ZDHHC20: variants seen among roughly 807,000 people sequenced by gnomAD.
ZDHHC20 encodes the protein palmitoyltransferase ZDHHC20.
A neutral mutation model predicts 57.8 loss-of-function variants in ZDHHC20; 43 were observed. That is an observed-to-expected ratio of 0.74 (90% CI 0.58 to 0.96). The LOEUF (loss-of-function observed/expected upper bound fraction) is 0.96. ZDHHC20 is among the 40% of genes least tolerant of loss of function. The pLI is 0.00. For missense variants in ZDHHC20, 391 were observed against 441.1 expected (o/e 0.89, Z 1.02); for synonymous variants, 157 against 153.0 (o/e 1.03, Z -0.19).
chr13:21,397,401 C>A (rs1318445356), intron 7 of ZDHHC20, among the ~76,000 whole-genome samples: 1 of 150,850 alleles, frequency 6.6e-6, no homozygotes, highest in Non-Finnish European at 1.5e-5. Flanking sequence ...GTGGCTCGCA[C>A]CTGTAATCCC....
chr13:21,433,119 ATACT>A (rs917299912), intron 1 of ZDHHC20, among the ~76,000 whole-genome samples: 7 of 152,088 alleles, frequency 4.6e-5, no homozygotes, highest in African/African-American at 1.4e-4. Flanking sequence ...TTCCATATAA[ATACT>A]TACTTATTTT....
chr13:21,419,389 T>A (rs1189039463), intron 3 of ZDHHC20, among the ~76,000 whole-genome samples: 2 of 152,230 alleles, frequency 1.3e-5, no homozygotes, highest in African/African-American at 4.8e-5. Flanking sequence ...ATATATATTA[T>A]CCAAGAGACA....
chr13:21,387,542 C>T lies in ZDHHC20; in HGVS notation c.820G>A (p.Glu274Lys). ...SKNWRQVFGD[E>K]KKYWLLPIFS... Reference sequence around the variant, plus strand: ...ATTGGAAGTAGCCAATATTTCTTTTCATCACCAAAGACTTGTCTCCAATTT... The same window carrying T: ...ATTGGAAGTAGCCAATATTTCTTTTTATCACCAAAGACTTGTCTCCAATTT... Residue 274 changes from glutamate to lysine, a missense_variant, in exon 9 of 13, where the codon GAA (glutamate) becomes AAA (lysine). Glu to Lys is a moderately conservative substitution (Grantham distance 56). Coordinates refer to ENST00000400590, the MANE Select transcript of ZDHHC20 (RefSeq NM_001330059.2). 3 of 1,535,966 alleles carry T rather than the reference C, an allele frequency of 2.0e-6. No individual in the cohort carries two copies. Among genetic ancestry groups the T allele is most frequent in the Non-Finnish European group, 2.6e-6 (3 of 1,139,028 alleles).
intron 7 of ZDHHC20, among the ~76,000 whole-genome samples, chr13:21,397,211 A>G (rs919846133): frequency 1.3e-5 from 2 of 152,070 alleles, no homozygotes; most frequent in Admixed American, 6.6e-5. Context: ...CCTGGCCAAC[A>G]TGGTAAAACC....
chr13:21,432,789 T>C (rs562690368), intron 1 of ZDHHC20, among the ~76,000 whole-genome samples: 7 of 152,220 alleles, frequency 4.6e-5, no homozygotes, highest in South Asian at 2.1e-4. Flanking sequence ...TTTTAAAAAG[T>C]TGATACTTTG....
chr13:21,434,516 T>C (rs187218698), intron 1 of ZDHHC20, among the ~76,000 whole-genome samples: 5 of 152,390 alleles, frequency 3.3e-5, no homozygotes, highest in African/African-American at 9.6e-5. Context: ...TTAATGTTCA[T>C]ATTAGAGTTT....
Position 21,409,499 on chromosome 13 carries a change from T to G in ZDHHC20, c.370+4153A>C, listed in dbSNP as rs1476602507. On this transcript the variant is annotated intron_variant, in intron 4 of 12. Transcript: ENST00000400590. ...ATTGTGTCTATTTGATTCTTCTCTC[T>G]TTTATTCTTTATTAGTCTGGCTAGT... Among the ~76,000 whole-genome samples, 6 of 152,232 alleles carry G rather than the reference T, an allele frequency of 3.9e-5. No individual in the cohort carries two copies. In the East Asian group the frequency reaches 1.2e-3, roughly 29 times the overall value.
intron 4 of ZDHHC20, among the ~76,000 whole-genome samples, chr13:21,404,548 T>A (rs1878173855): frequency 6.6e-6 from 1 of 151,908 alleles, no homozygotes; most frequent in Non-Finnish European, 1.5e-5. Context: ...GTCAGGAGAT[T>A]AAGACCATCC....
In ZDHHC20 at chr13:21,459,060, A is replaced by C; in HGVS notation, c.112T>G (p.Cys38Gly). The part of the protein sequence containing the change: ...WSYYAYVVEL[C>G]VFTIFGNEEN... ...CCCCGGGGACGGTACTCACACACGCAGAGCTCCACCACGTACGCGTAGTAG... is the reference window on the plus strand; with the variant it reads ...CCCCGGGGACGGTACTCACACACGCCGAGCTCCACCACGTACGCGTAGTAG... The change falls in exon 1 of 13, where the codon TGC becomes GGC. Residue 38 changes from cysteine to glycine, a missense_variant. Cys to Gly is a radical substitution (Grantham distance 159). This residue lies in a region of ZDHHC20 where 185 missense variants were observed against 188.0 expected (regional missense o/e 0.98). Transcript: ENST00000400590. The C allele has an allele frequency of 6.3e-7, 1 of 1,596,846 alleles. No homozygotes were observed. Among genetic ancestry groups the C allele is most frequent in the Non-Finnish European group, 8.5e-7 (1 of 1,172,910 alleles).
At chr13:21,402,966 G>A (rs548065010) in intron 4 of ZDHHC20, 100 bp from the exon 5 acceptor site, 403 of 832,226 alleles carry the variant, frequency 4.8e-4, no homozygotes, top group Middle Eastern at 1.8e-3. Flanking sequence ...CTGGGTAATT[G>A]ATAACTAATA....
At chr13:21,395,243 T>A (rs1384574589) in intron 7 of ZDHHC20, among the ~76,000 whole-genome samples, 1 of 151,784 alleles carries the variant, frequency 6.6e-6, no homozygotes, top group Non-Finnish European at 1.5e-5. Context: ...ATTCTTTGTA[T>A]TTTTAGTAGA....
chr13:21,428,545 T>C (rs577738603), intron 1 of ZDHHC20, among the ~76,000 whole-genome samples: 57 of 151,960 alleles, frequency 3.8e-4, no homozygotes, highest in African/African-American at 1.3e-3. Flanking sequence ...AAAAATTCTT[T>C]TGATGACAAA....
At position 21,402,831 on chromosome 13, in the gene ZDHHC20, G is replaced by T. The variant is rs761623205; in HGVS notation, c.406C>A (p.Pro136Thr). 26 of 1,598,572 alleles carry T rather than the reference G, an allele frequency of 1.6e-5. No homozygotes were observed. Among genetic ancestry groups the T allele is most frequent in the Non-Finnish European group, 2.1e-5 (25 of 1,172,270 alleles). Reference protein sequence around the residue: ...RYCEKCQLIKPDRAHHCSACD... With the variant: ...RYCEKCQLIKTDRAHHCSACD... ...GCTGAGCAGTGATGCGCCCGATCAG[G>T]TTTAATCAGCTGACATTTTTCACAA... Residue 136 changes from proline to threonine, a missense_variant, in exon 5 of 13, where the codon CCT becomes ACT. Physicochemically the swap from Pro to Thr is conservative, Grantham distance 38. Around this residue, in one of 3 missense-constraint regions of ZDHHC20, gnomAD observed 185 missense variants for 188.0 expected, o/e 0.98. Transcript: ENST00000400590.
intron 1 of ZDHHC20, among the ~76,000 whole-genome samples, chr13:21,458,428 G>A (rs1885096520): frequency 6.6e-6 from 1 of 152,162 alleles, no homozygotes; most frequent in Non-Finnish European, 1.5e-5. Context: ...TTAACCTTCT[G>A]CAAAAGCCGG....
chr13:21,449,475 G>C (rs9316380), intron 1 of ZDHHC20, among the ~76,000 whole-genome samples: 89,972 of 151,752 alleles, frequency 0.59, 27,504 homozygotes, highest in Non-Finnish European at 0.68. Flanking sequence ...ACATGATGAC[G>C]GGAATGTCCC....
At position 21,378,737 on chromosome 13, in the gene ZDHHC20, C is replaced by T; in HGVS notation, c.1062G>A (p.Gly354=). 2 of 1,437,118 alleles carry T rather than the reference C, an allele frequency of 1.4e-6. No individual in the cohort carries two copies. The highest frequency in any genetic ancestry group is 1.6e-5 in the South Asian group (1 of 62,032). 89.0% of individuals were successfully genotyped at this position (1,437,118 alleles called of 1,614,324 possible). A position where few individuals can be genotyped will look rare whatever the true frequency, so the allele number is the denominator to read the frequency against. The change falls in exon 12 of 13, where the codon GGG becomes GGA. Residue 354 remains glycine, a splice_region_variant and synonymous_variant. Coordinates refer to ENST00000400590, the MANE Select transcript of ZDHHC20 (RefSeq NM_001330059.2). Reference sequence around the variant, plus strand: ...TTGCCACTGTTACATGGTTATTTGTCCCTGTAAGCATATAATTATATATGA... The same window carrying T: ...TTGCCACTGTTACATGGTTATTTGTTCCTGTAAGCATATAATTATATATGA... ...NGAEEGIVKS[G]TNNHVTVAIE...
chr13:21,447,571 C>CT (rs1883880418), intron 1 of ZDHHC20, among the ~76,000 whole-genome samples: 1 of 146,380 alleles, frequency 6.8e-6, no homozygotes, highest in South Asian at 2.3e-4. Context: ...GAGGGAGTCT[C>CT]GTTCACTCAG....
chr13:21,398,280 C>T (rs1442438740), intron 7 of ZDHHC20, among the ~76,000 whole-genome samples: 8 of 151,788 alleles, frequency 5.3e-5, no homozygotes, highest in East Asian at 1.9e-4. Flanking sequence ...CTGGCTAACA[C>T]GGTGAAACCC....
intron 4 of ZDHHC20, among the ~76,000 whole-genome samples, chr13:21,403,089 G>C (rs1877936376): frequency 6.6e-6 from 1 of 152,148 alleles, no homozygotes; most frequent in African/African-American, 2.4e-5. Flanking sequence ...GCAATTTTTA[G>C]ATGAAAAGTA....
Sources: allele counts gnomAD v4.1 joint callset (sites outside exome capture counted in the v4.1 genomes callset), GRCh38; gene constraint gnomAD v4.1.1; regional missense constraint gnomAD v4.1.1; transcripts MANE v1.5; gene names NCBI Gene and HGNC (gene_info 2026-07-23, HGNC 2026-07-21).